Variants in FRMD4A observed in about 807,000 individuals in gnomAD.
The protein encoded by FRMD4A is FERM domain-containing protein 4A.
A neutral mutation model predicts 129.1 loss-of-function variants in FRMD4A; 29 were observed. That is an observed-to-expected ratio of 0.22 (90% confidence interval 0.17 to 0.31). The LOEUF is 0.31. Ranked by LOEUF, FRMD4A falls within the 10% of genes least tolerant of loss-of-function variation. FRMD4A has a pLI of 1.00. For missense variants in FRMD4A, 1,272 were observed against 1,375.8 expected (o/e 0.92, Z 1.19); for synonymous variants, 634 against 571.6 (o/e 1.11, Z -1.56).
chr10:14,102,642 C>G (rs1304501842), intron 2 of FRMD4A, among the ~76,000 whole-genome samples: 1 of 152,120 alleles, frequency 6.6e-6, no homozygotes, highest in Non-Finnish European at 1.5e-5. Context: ...GGAAGGGATA[C>G]TTCAGAGAAG....
intron 2 of FRMD4A, among the ~76,000 whole-genome samples, chr10:14,311,480 G>A (rs1478694930): frequency 6.6e-6 from 1 of 152,116 alleles, no homozygotes; most frequent in African/African-American, 2.4e-5. Flanking sequence ...CCCTGCAAAT[G>A]CCCTTTCCAG....
At chr10:13,939,028 A>C (rs1235787318) in intron 2 of FRMD4A, among the ~76,000 whole-genome samples, 1 of 152,138 alleles carries the variant, frequency 6.6e-6, no homozygotes. Flanking sequence ...CATCCTCCCC[A>C]CCCTCCAGCA....
At chr10:14,089,043 G>C (rs1238497552) in intron 2 of FRMD4A, among the ~76,000 whole-genome samples, 1 of 152,152 alleles carries the variant, frequency 6.6e-6, no homozygotes, top group East Asian at 1.9e-4. Context: ...GGGTGGGATG[G>C]GGGCTGCTGA....
At chr10:13,952,378 G>A (rs757273151) in intron 2 of FRMD4A, among the ~76,000 whole-genome samples, 1 of 151,992 alleles carries the variant, frequency 6.6e-6, no homozygotes, top group Non-Finnish European at 1.5e-5. Context: ...GCACACACCT[G>A]TAGTCCCAGT....
At chr10:13,700,883 G>T (rs145467278) in intron 14 of FRMD4A, among the ~76,000 whole-genome samples, 1 of 119,628 alleles carries the variant, frequency 8.4e-6, no homozygotes, top group Non-Finnish European at 1.6e-5. Flanking sequence ...AAAAAATGGA[G>T]TTGGCAGTTG....
At chr10:14,216,870 C>T (rs1004518608) in intron 2 of FRMD4A, among the ~76,000 whole-genome samples, 5 of 152,156 alleles carry the variant, frequency 3.3e-5, no homozygotes, top group Admixed American at 2.0e-4. Flanking sequence ...TTCATTTCTA[C>T]TCTCTTCTTT....
intron 2 of FRMD4A, among the ~76,000 whole-genome samples, chr10:13,861,314 C>T (rs140409199): frequency 1.3e-5 from 2 of 152,318 alleles, no homozygotes; most frequent in East Asian, 3.9e-4. Context: ...GGATTATTCA[C>T]TTATCACCAA....
At chr10:14,123,179 A>C (rs1477315112) in intron 2 of FRMD4A, among the ~76,000 whole-genome samples, 2 of 152,304 alleles carry the variant, frequency 1.3e-5, no homozygotes, top group Non-Finnish European at 2.9e-5. Context: ...GACCCTTGCA[A>C]GTTGCTGAGG....
chr10:14,306,159 T>C (rs1218482), intron 2 of FRMD4A, among the ~76,000 whole-genome samples: 27,465 of 152,124 alleles, frequency 0.18, 3,270 homozygotes, highest in African/African-American at 0.34. Flanking sequence ...AAATTTAAAG[T>C]GGGGAAATCT....
intron 2 of FRMD4A, among the ~76,000 whole-genome samples, chr10:14,179,020 T>C (rs1198802880): frequency 6.6e-6 from 1 of 152,124 alleles, no homozygotes; most frequent in African/African-American, 2.4e-5. Context: ...GAGAGGGAAA[T>C]AATAACTTTA....
At chr10:14,265,484 A>G (rs1312433251) in intron 2 of FRMD4A, among the ~76,000 whole-genome samples, 1 of 152,218 alleles carries the variant, frequency 6.6e-6, no homozygotes, top group African/African-American at 2.4e-5. Flanking sequence ...TCTTGGCTTA[A>G]AATTTTAAAA....
Position 14,295,829 on chromosome 10 carries a change from C to T in FRMD4A, c.45+34229G>A, listed in dbSNP as rs142363039. On this transcript the variant is annotated intron_variant, in intron 2 of 24. Coordinates refer to ENST00000357447, the MANE Select transcript of FRMD4A (RefSeq NM_018027.5). ...TATACTAACATGTACATAAATTCAA[C>T]GTAATAAGCCTTCAAAATAGAACTG... Among the ~76,000 whole-genome samples the T allele has an allele frequency of 4.6e-4, 70 of 152,164 alleles. No homozygotes were observed. In the East Asian group the frequency reaches 9.7e-3, roughly 21 times the overall value.
At chr10:14,117,261 G>A (rs983980635) in intron 2 of FRMD4A, among the ~76,000 whole-genome samples, 1 of 152,242 alleles carries the variant, frequency 6.6e-6, no homozygotes, top group East Asian at 1.9e-4. Context: ...AGCCTGAACA[G>A]AGCCTAGCAT....
intron 2 of FRMD4A, among the ~76,000 whole-genome samples, chr10:14,224,005 T>A (rs1843352592): frequency 6.6e-6 from 1 of 152,144 alleles, no homozygotes; most frequent in Non-Finnish European, 1.5e-5. Flanking sequence ...TTGCCCTGCA[T>A]TCCCTCAAAT....
chr10:13,732,270 T>C (rs2090368104), intron 12 of FRMD4A, among the ~76,000 whole-genome samples: 1 of 152,198 alleles, frequency 6.6e-6, no homozygotes, highest in Admixed American at 6.5e-5. Context: ...TGTTGTGCTC[T>C]TTTCTGGACA....
At chr10:14,176,232 A>G (rs1025794849) in intron 2 of FRMD4A, among the ~76,000 whole-genome samples, 1 of 152,182 alleles carries the variant, frequency 6.6e-6, no homozygotes, top group African/African-American at 2.4e-5. Context: ...GTTTGATACA[A>G]AACTCAACCA....
chr10:14,211,916 T>C (rs956660487), intron 2 of FRMD4A, among the ~76,000 whole-genome samples: 1 of 152,208 alleles, frequency 6.6e-6, no homozygotes, highest in Non-Finnish European at 1.5e-5. Context: ...TATCTCTCAG[T>C]GATGCCTCAG....
At chr10:14,028,886 C>T (rs1833102972) in intron 2 of FRMD4A, among the ~76,000 whole-genome samples, 1 of 152,184 alleles carries the variant, frequency 6.6e-6, no homozygotes, top group African/African-American at 2.4e-5. Flanking sequence ...TCAATGCTGA[C>T]AGCACAGGAT....
intron 3 of FRMD4A, among the ~76,000 whole-genome samples, chr10:13,845,981 G>A (rs1360484708): frequency 6.6e-6 from 1 of 152,134 alleles, no homozygotes; most frequent in Non-Finnish European, 1.5e-5. Context: ...CCCATTTGCT[G>A]TACAACTCTG....
Sources: allele counts gnomAD v4.1 joint callset (sites outside exome capture counted in the v4.1 genomes callset), GRCh38; gene constraint gnomAD v4.1.1; transcripts MANE v1.5; gene names NCBI Gene and HGNC (gene_info 2026-07-23, HGNC 2026-07-21).